The following CYFIP1 variants were observed in gnomAD, a reference collection of about 807,000 sequenced individuals.
CYFIP1 encodes the protein cytoplasmic FMR1 interacting protein 1.
Under a neutral mutation model 163.5 loss-of-function variants are expected in CYFIP1, and 58 were observed. That is an observed-to-expected ratio of 0.35 (90% CI 0.29 to 0.44). The LOEUF (loss-of-function observed/expected upper bound fraction) is 0.44. Among genes scored for constraint, CYFIP1 ranks in the 20% least tolerant of loss-of-function variants. The probability of loss-of-function intolerance (pLI) is 1.00; values close to 1 mark genes in which losing one functional copy is unlikely to be tolerated. For synonymous variants in CYFIP1, 663 were observed against 660.7 expected (o/e 1.00, Z -0.05); for missense variants, 1,338 against 1,653.8 (o/e 0.81, Z 3.31).
chr15:22,975,817 C>A (rs980770916), intron 1 of CYFIP1, among the ~76,000 whole-genome samples: 1 of 152,122 alleles, frequency 6.6e-6, no homozygotes, highest in Non-Finnish European at 1.5e-5. Flanking sequence ...CTAACCCCCT[C>A]GTTCACAGGC....
intron 22 of CYFIP1, among the ~76,000 whole-genome samples, chr15:22,895,834 G>A (rs1055872823): frequency 6.6e-6 from 1 of 152,178 alleles, no homozygotes; most frequent in Non-Finnish European, 1.5e-5. Flanking sequence ...CCAAGTGAGC[G>A]CCCCTGGCTG....
At chr15:22,921,197 G>A (rs774805315) in intron 13 of CYFIP1, among the ~76,000 whole-genome samples, 20 of 151,670 alleles carry the variant, frequency 1.3e-4, no homozygotes, top group Non-Finnish European at 2.1e-4. Context: ...GTGAAACCCC[G>A]TCTCTACTAA....
chr15:22,909,250 T>A lies in CYFIP1; in HGVS notation c.2332A>T (p.Lys778Ter). Reference protein sequence around the residue: ...ITQRVSAAMYKSLELAIGRFE... With the variant: ...ITQRVSAAMY Reference sequence around the variant, plus strand: ...CGTCCAATCGCCAGTTCTAGGGACTTATACATGGCTGCTGAGACGCGCTGG... The same window carrying A: ...CGTCCAATCGCCAGTTCTAGGGACTAATACATGGCTGCTGAGACGCGCTGG... Residue 778 changes from lysine (K) to a stop codon, truncating the protein, a stop_gained, in exon 21 of 31, where the codon AAG becomes TAG. Coordinates refer to ENST00000617928, the MANE Select transcript of CYFIP1 (RefSeq NM_014608.6). LOFTEE classifies it high-confidence loss of function. 1 of 1,614,198 alleles carries A rather than the reference T, an allele frequency of 6.2e-7. No homozygotes were observed. The highest frequency in any genetic ancestry group is 8.5e-7 in the Non-Finnish European group (1 of 1,180,026).
chr15:22,919,024 G>A (rs1405942726), intron 13 of CYFIP1, among the ~76,000 whole-genome samples, 166 bp from the exon 14 acceptor site: 1 of 152,180 alleles, frequency 6.6e-6, no homozygotes, highest in Admixed American at 6.5e-5. Flanking sequence ...CAAAGCCATA[G>A]TCAATGGAAC....
chr15:22,887,006 G>T (rs1219175183), intron 23 of CYFIP1, among the ~76,000 whole-genome samples: 3 of 152,096 alleles, frequency 2.0e-5, no homozygotes, highest in African/African-American at 7.2e-5. Flanking sequence ...TCTTCGTGGT[G>T]GTTTGACTTA....
chr15:22,898,224 T>C (rs2060292822), intron 22 of CYFIP1, among the ~76,000 whole-genome samples: 1 of 152,194 alleles, frequency 6.6e-6, no homozygotes, highest in Non-Finnish European at 1.5e-5. Context: ...ATCTAAACCC[T>C]GTTACTCTAT....
chr15:22,934,001 C>A, intron 9 of CYFIP1, 108 bp from the exon 10 acceptor site: 1 of 704,904 alleles, frequency 1.4e-6, no homozygotes. Flanking sequence ...TTGAATGCTA[C>A]CTCTGCAAAT....
Position 22,910,509 on chromosome 15 carries a change from C to A in CYFIP1, c.2268+11G>T. 6.2e-7 allele frequency: 1 copy of A among 1,609,880 alleles called. No individual in the cohort carries two copies. Among genetic ancestry groups the A allele is most frequent in the Non-Finnish European group, 8.5e-7 (1 of 1,176,202 alleles). ...ACTCTACGTCCCCACCACAGCCCGG[C>A]CCCAGCTCACCTGCACATGCCTCTG... On this transcript the variant is annotated intron_variant, in intron 20 of 30. Transcript: ENST00000617928.
intron 26 of CYFIP1, 50 bp downstream of exon 26, chr15:22,879,863 G>T (rs2059701024): frequency 9.3e-6 from 13 of 1,401,340 alleles, no homozygotes; most frequent in East Asian, 2.5e-5. Context: ...CCGGTGGGGT[G>T]GGGTGGGGTG....
Position 22,939,674 on chromosome 15 carries a change from G to A in CYFIP1, c.570-167C>T, listed in dbSNP as rs372453010. ...ACCTATGATTTCAGCCTTTTCAGGC[G>A]TCTCTGGCCCTGCACTCCAGGTCAG... is the stretch of plus-strand genomic sequence containing the variant. On this transcript the variant is annotated intron_variant, in intron 6 of 30. Coordinates refer to ENST00000617928, the MANE Select transcript of CYFIP1 (RefSeq NM_014608.6). Among the ~76,000 whole-genome samples, 12 of 151,666 alleles carry A rather than the reference G, an allele frequency of 7.9e-5. No individual in the cohort carries two copies. The South Asian group carries it at 2.3e-3, about 29-fold the overall frequency.
At chr15:22,898,630 G>T (rs1219066678) in intron 22 of CYFIP1, among the ~76,000 whole-genome samples, 2 of 152,034 alleles carry the variant, frequency 1.3e-5, no homozygotes, top group African/African-American at 4.8e-5. Context: ...GACCTCCCCA[G>T]GCTCAAGTGA....
At chr15:22,909,383 C>T (rs2060705202) in intron 20 of CYFIP1, 70 bp from the exon 21 acceptor site, 2 of 1,588,190 alleles carry the variant, frequency 1.3e-6, no homozygotes, top group African/African-American at 1.3e-5. Flanking sequence ...AAACGCCTCA[C>T]CAGAGACCCT....
chr15:22,895,163 C>T (rs998855949), intron 22 of CYFIP1, among the ~76,000 whole-genome samples: 6 of 151,994 alleles, frequency 3.9e-5, no homozygotes, highest in Non-Finnish European at 5.9e-5. Context: ...TACAGGCGCC[C>T]GCCACCAAGC....
intron 1 of CYFIP1, among the ~76,000 whole-genome samples, chr15:22,974,218 C>T (rs938591291): frequency 2.0e-5 from 3 of 152,294 alleles, no homozygotes; most frequent in Non-Finnish European, 4.4e-5. Flanking sequence ...CAAGAGATCG[C>T]TGTACCCCAT....
chr15:22,883,444 G>T (rs1341325801), intron 23 of CYFIP1, among the ~76,000 whole-genome samples: 4 of 152,184 alleles, frequency 2.6e-5, no homozygotes, highest in Non-Finnish European at 4.4e-5. Context: ...GGAAGGCGAG[G>T]AAGGTAGTTA....
chr15:22,890,828 T>A (rs1296293326), intron 23 of CYFIP1, among the ~76,000 whole-genome samples: 1 of 150,340 alleles, frequency 6.7e-6, no homozygotes, highest in African/African-American at 2.5e-5. Flanking sequence ...AGAGACAGGG[T>A]GGAGGGGCAC....
chr15:22,925,380 A>G (rs2061325981), intron 13 of CYFIP1, among the ~76,000 whole-genome samples: 1 of 152,202 alleles, frequency 6.6e-6, no homozygotes. Flanking sequence ...GAGCAGAAAC[A>G]CAGCCACACA....
At chr15:22,896,959 C>A (rs987442383) in intron 22 of CYFIP1, among the ~76,000 whole-genome samples, 2 of 152,090 alleles carry the variant, frequency 1.3e-5, no homozygotes, top group African/African-American at 2.4e-5. Flanking sequence ...GTAATCCCAG[C>A]ACTTTGGGAG....
chr15:22,910,645 A>G lies in CYFIP1; in HGVS notation c.2160-17T>C, dbSNP rs2060756013. On this transcript the variant is annotated splice_polypyrimidine_tract_variant and intron_variant, in intron 19 of 30. Transcript: ENST00000617928. ...AGAAGCAAACTAGTGTAGAAGGAAG[A>G]CAGAAAGTTTTTCATACGCCATAAA... The G allele has an allele frequency of 6.2e-7, 1 of 1,612,226 alleles. No individual in the cohort carries two copies. The highest frequency in any genetic ancestry group is 1.3e-5 in the African/African-American group (1 of 74,894).
Sources: gnomAD v4.1 joint callset for allele counts (sites outside exome capture counted in the v4.1 genomes callset) on GRCh38, gnomAD v4.1.1 for gene constraint, MANE v1.5 for transcripts, NCBI Gene and HGNC (gene_info 2026-07-23, HGNC 2026-07-21) for gene names.